Variants in KLRG1 observed in about 807,000 individuals in gnomAD.
KLRG1 encodes killer cell lectin like receptor G1.
KLRG1 carries 16 observed loss-of-function variants against 21.8 expected under a neutral mutation model. The observed-to-expected ratio is 0.73, with a 90% CI of 0.50 to 1.11. KLRG1 has a LOEUF of 1.11. Ranked by LOEUF, KLRG1 falls within the 50% of genes most tolerant of loss-of-function variation. The pLI is 0.00. For synonymous variants in KLRG1, 69 were observed against 75.9 expected, an observed-to-expected ratio of 0.91 and a Z score of 0.47; for missense variants, 173 against 218.3, an observed-to-expected ratio of 0.79 and a Z score of 1.31.
the KLRG1 span, among the ~76,000 whole-genome samples, chr12:9,054,637 T>C: frequency 6.6e-6 from 1 of 152,190 alleles, no homozygotes; most frequent in Non-Finnish European, 1.5e-5. Context: ...CTGTTTACTA[T>C]AGTTGCTCTA....
the KLRG1 span, among the ~76,000 whole-genome samples, chr12:9,137,986 C>A: frequency 6.6e-6 from 1 of 151,978 alleles, no homozygotes; most frequent in African/African-American, 2.4e-5. Flanking sequence ...TTATCTCTTC[C>A]TTTCTGATTT....
rs757087192 is a variant in KLRG1 at position 9,008,993 on chromosome 12, C to T, written c.376C>T (p.Leu126Phe). The change falls in exon 4 of 5, where the codon CTC (leucine) becomes TTC (phenylalanine). Residue 126 changes from leucine to phenylalanine, a missense_variant. By Grantham distance (22) the Leu-to-Phe change is conservative. Coordinates refer to ENST00000356986, the MANE Select transcript of KLRG1 (RefSeq NM_005810.4). ...CCCTTAGAGCCTGCTCCAAGTTTTC[C>T]TCAGTGAGGCCTTTTGCTGGATTGG... ...NQEMSLLQVF[L>F]SEAFCWIGLR... 3 of 1,613,524 alleles carry T rather than the reference C, an allele frequency of 1.9e-6. No individual in the cohort carries two copies. The South Asian group carries it at 3.3e-5, about 18-fold the overall frequency.
At chr12:9,213,044 A>G in the KLRG1 span, among the ~76,000 whole-genome samples, 5 of 152,204 alleles carry the variant, frequency 3.3e-5, no homozygotes, top group African/African-American at 7.2e-5. Flanking sequence ...TGGACATTTC[A>G]TATTAATAGA....
intron 3 of KLRG1, chr12:8,996,418 ATTGTT>A (rs1947132380): frequency 6.6e-6 from 1 of 152,266 alleles, no homozygotes; most frequent in East Asian, 1.9e-4. Context: ...GTGTTTTGCT[ATTGTT>A]TTCTGTTTTC....
chr12:9,079,268 T>C, the KLRG1 span: 10 of 1,613,758 alleles, frequency 6.2e-6, no homozygotes, highest in Non-Finnish European at 8.5e-6. Flanking sequence ...GTTCCTGCCA[T>C]ATCGCTCCCC....
chr12:8,993,127 T>C (rs1947026565), intron 2 of KLRG1, among the ~76,000 whole-genome samples: 1 of 148,308 alleles, frequency 6.7e-6, no homozygotes, highest in Non-Finnish European at 1.5e-5. Context: ...TCACATTTTC[T>C]AAAACTAATT....
chr12:8,962,172 T>G (rs1946392813), intron 1 of KLRG1, among the ~76,000 whole-genome samples: 1 of 152,030 alleles, frequency 6.6e-6, no homozygotes, highest in Non-Finnish European at 1.5e-5. Context: ...ATCACAAAGC[T>G]GATAGAATTA....
chr12:9,193,934 A>C, the KLRG1 span: 11 of 749,462 alleles, frequency 1.5e-5, no homozygotes, highest in Non-Finnish European at 1.8e-5. Context: ...TTTTCATGAA[A>C]TTCTATTATC....
the KLRG1 span, among the ~76,000 whole-genome samples, chr12:9,093,084 T>G: frequency 6.6e-6 from 1 of 151,990 alleles, no homozygotes; most frequent in Non-Finnish European, 1.5e-5. Context: ...AGAAAGGTGG[T>G]TGGGGTTGCA....
At chr12:9,197,246 A>G in the KLRG1 span, 2 of 630,504 alleles carry the variant, frequency 3.2e-6, no homozygotes. Context: ...GTGCCCACCA[A>G]GTAGAAAGCT....
downstream of KLRG1, among the ~76,000 whole-genome samples, chr12:9,013,153 G>A (rs946979603): frequency 2.0e-5 from 3 of 152,240 alleles, no homozygotes; most frequent in South Asian, 2.1e-4. Context: ...TACTGGGTTT[G>A]TGGTGCTTCC....
At chr12:9,055,489 A>G in the KLRG1 span, 2 of 152,210 alleles carry the variant, frequency 1.3e-5, no homozygotes, top group African/African-American at 2.4e-5. Flanking sequence ...TCTTACCTCA[A>G]TTTGGATGCC....
chr12:9,207,251 C>A, the KLRG1 span, among the ~76,000 whole-genome samples: 1 of 152,124 alleles, frequency 6.6e-6, no homozygotes, highest in Non-Finnish European at 1.5e-5. Context: ...ACAGGAGACA[C>A]GATAGGCATC....
the KLRG1 span, among the ~76,000 whole-genome samples, chr12:9,187,638 A>G: frequency 6.6e-6 from 1 of 152,232 alleles, no homozygotes; most frequent in African/African-American, 2.4e-5. Flanking sequence ...ACCAGTAAGA[A>G]CAAAGATACA....
the KLRG1 span, chr12:9,160,297 TTC>T: frequency 1.9e-6 from 3 of 1,584,418 alleles, no homozygotes; most frequent in Non-Finnish European, 2.6e-6. Flanking sequence ...AAGTAAATTT[TTC>T]TCTGTCTCAC....
the KLRG1 span, among the ~76,000 whole-genome samples, chr12:9,138,139 A>G: frequency 1.9e-4 from 29 of 152,020 alleles, 1 homozygote; most frequent in Admixed American, 1.9e-3. Flanking sequence ...GTTGAGTCTG[A>G]TATTATCTAT....
At chr12:9,085,416 T>C in the KLRG1 span, among the ~76,000 whole-genome samples, 1 of 151,916 alleles carries the variant, frequency 6.6e-6, no homozygotes, top group Admixed American at 6.6e-5. Flanking sequence ...GAACAGCCAA[T>C]GGGTCAATAA....
At position 9,009,834 on chromosome 12, in the gene KLRG1, T is replaced by C; in HGVS notation, c.*297T>C. On this transcript the variant is annotated 3_prime_UTR_variant, in exon 5 of 5. Coordinates refer to ENST00000356986, the MANE Select transcript of KLRG1 (RefSeq NM_005810.4). ...ACTAATGCTGCCACTCTCATCCCCG[T>C]CCCAACCATCTCTGTCAAAAATATA... The C allele has an allele frequency of 6.9e-7, 1 of 1,446,392 alleles. No individual in the cohort carries two copies. The highest frequency in any genetic ancestry group is 9.0e-7 in the Non-Finnish European group (1 of 1,105,032). 89.6% of individuals were successfully genotyped at this position (1,446,392 alleles called of 1,614,324 possible).
chr12:9,006,929 G>A (rs1168690337), intron 3 of KLRG1, among the ~76,000 whole-genome samples: 1 of 152,180 alleles, frequency 6.6e-6, no homozygotes, highest in Non-Finnish European at 1.5e-5. Context: ...TATTTCAAAT[G>A]ATACTGGGAA....
Sources: gnomAD v4.1 joint callset for allele counts (sites outside exome capture counted in the v4.1 genomes callset) on GRCh38, gnomAD v4.1.1 for gene constraint, MANE v1.5 for transcripts, NCBI Gene and HGNC (gene_info 2026-07-23, HGNC 2026-07-21) for gene names.